Variants in PDZRN4 observed in about 807,000 individuals in gnomAD.
The protein encoded by PDZRN4 is PDZ domain-containing RING finger protein 4.
PDZRN4 carries 70 observed loss-of-function variants against 99.0 expected under a neutral mutation model. That is an observed-to-expected ratio of 0.71 (90% confidence interval 0.58 to 0.86). The LOEUF is 0.86. PDZRN4 is among the 40% of genes least tolerant of loss of function. The pLI, the probability that PDZRN4 is intolerant of heterozygous loss-of-function variation, is 0.00. For missense variants in PDZRN4, 1,474 were observed against 1,331.2 expected (o/e 1.11, Z -1.67); for synonymous variants, 551 against 501.6 (o/e 1.10, Z -1.32).
intron 5 of PDZRN4, among the ~76,000 whole-genome samples, chr12:41,518,755 C>T (rs576275502): frequency 6.6e-6 from 1 of 151,956 alleles, no homozygotes; most frequent in South Asian, 2.1e-4. Context: ...AGTTTGAGAC[C>T]AGTCTGGCCT....
intron 5 of PDZRN4, among the ~76,000 whole-genome samples, chr12:41,542,611 T>C (rs1288158054): frequency 2.6e-5 from 4 of 152,138 alleles, no homozygotes; most frequent in African/African-American, 9.7e-5. Flanking sequence ...TCGGAATGAC[T>C]TGATTGAAGA....
At chr12:41,407,771 G>A (rs1952360553) in intron 3 of PDZRN4, among the ~76,000 whole-genome samples, 1 of 151,910 alleles carries the variant, frequency 6.6e-6, no homozygotes, top group Admixed American at 6.6e-5. Context: ...AAGAAGTAAG[G>A]TTCACCTAAT....
chr12:41,447,119 T>G (rs1271226265), intron 3 of PDZRN4, among the ~76,000 whole-genome samples: 1 of 151,854 alleles, frequency 6.6e-6, no homozygotes, highest in East Asian at 1.9e-4. Context: ...TCAAATAGAG[T>G]CTTCAGTCAA....
chr12:41,411,004 G>A (rs1441538165), intron 3 of PDZRN4, among the ~76,000 whole-genome samples: 2 of 151,220 alleles, frequency 1.3e-5, no homozygotes, highest in Admixed American at 6.6e-5. Flanking sequence ...TCAGGCTCCC[G>A]AATAGCTAGG....
At chr12:41,399,048 T>A (rs1385375313) in intron 3 of PDZRN4, among the ~76,000 whole-genome samples, 1 of 152,148 alleles carries the variant, frequency 6.6e-6, no homozygotes, top group Admixed American at 6.5e-5. Context: ...TTTTAAGGAT[T>A]TGAGTTATTG....
intron 3 of PDZRN4, among the ~76,000 whole-genome samples, chr12:41,216,717 A>T (rs1392643296): frequency 6.6e-6 from 1 of 152,042 alleles, no homozygotes; most frequent in Non-Finnish European, 1.5e-5. Context: ...CAATTCATCT[A>T]ATTAATTTAT....
chr12:41,428,527 T>C (rs1170026371), intron 3 of PDZRN4, among the ~76,000 whole-genome samples: 1 of 152,170 alleles, frequency 6.6e-6, no homozygotes, highest in Non-Finnish European at 1.5e-5. Flanking sequence ...GAGAGAAATA[T>C]ACCAAAAAGA....
intron 3 of PDZRN4, among the ~76,000 whole-genome samples, chr12:41,268,318 A>G (rs1369162633): frequency 6.6e-6 from 1 of 152,224 alleles, no homozygotes; most frequent in Non-Finnish European, 1.5e-5. Flanking sequence ...AAAAATTTAC[A>G]GTCCTTCATA....
At chr12:41,254,606 T>C (rs750655190) in intron 3 of PDZRN4, among the ~76,000 whole-genome samples, 10 of 152,254 alleles carry the variant, frequency 6.6e-5, no homozygotes, top group Non-Finnish European at 1.0e-4. Context: ...CCATTTCCTA[T>C]GTGCCAGAAA....
At chr12:41,559,823 C>A (rs979706385) in intron 7 of PDZRN4, among the ~76,000 whole-genome samples, 29 of 152,052 alleles carry the variant, frequency 1.9e-4, no homozygotes, top group African/African-American at 5.8e-4. Context: ...GCGGTTACTC[C>A]CATGCTGTTC....
chr12:41,300,525 A>G (rs1425896141), intron 3 of PDZRN4, among the ~76,000 whole-genome samples: 4 of 151,962 alleles, frequency 2.6e-5, no homozygotes, highest in Admixed American at 2.0e-4. Context: ...AATCAAACAC[A>G]TATTAGAAAT....
At chr12:41,471,249 G>A (rs752726069) in intron 3 of PDZRN4, among the ~76,000 whole-genome samples, 3 of 152,130 alleles carry the variant, frequency 2.0e-5, no homozygotes, top group Non-Finnish European at 4.4e-5. Flanking sequence ...CCAACATCAT[G>A]TTCTTTTTCT....
intron 3 of PDZRN4, among the ~76,000 whole-genome samples, chr12:41,352,624 A>C: frequency 6.6e-6 from 1 of 152,188 alleles, no homozygotes; most frequent in East Asian, 1.9e-4. Context: ...ATAGGAAATC[A>C]GCTCACTTAT....
chr12:41,202,906 G>C (rs1950826774), intron 3 of PDZRN4, among the ~76,000 whole-genome samples: 1 of 151,844 alleles, frequency 6.6e-6, no homozygotes, highest in South Asian at 2.1e-4. Context: ...TGAAAATATT[G>C]TTATTTGTAT....
chr12:41,424,742 G>A (rs1243407786), intron 3 of PDZRN4, among the ~76,000 whole-genome samples: 1 of 152,184 alleles, frequency 6.6e-6, no homozygotes, highest in Non-Finnish European at 1.5e-5. Flanking sequence ...GCTCCTCTGA[G>A]TGACTTTTCT....
intron 5 of PDZRN4, among the ~76,000 whole-genome samples, chr12:41,542,666 G>A (rs1052122631): frequency 6.6e-6 from 1 of 152,190 alleles, no homozygotes; most frequent in Non-Finnish European, 1.5e-5. Flanking sequence ...CTGAATGAAA[G>A]TCAGGAGGCC....
At chr12:41,403,508 C>T (rs930842788) in intron 3 of PDZRN4, among the ~76,000 whole-genome samples, 1 of 152,162 alleles carries the variant, frequency 6.6e-6, no homozygotes, top group Non-Finnish European at 1.5e-5. Context: ...ATATGCCCCT[C>T]ACTCCAAGGT....
intron 3 of PDZRN4, among the ~76,000 whole-genome samples, chr12:41,353,535 T>C (rs980105443): frequency 2.6e-5 from 4 of 152,088 alleles, no homozygotes; most frequent in Non-Finnish European, 4.4e-5. Context: ...CTAGTTGTAA[T>C]GAGACATGAA....
chr12:41,492,883 C>T (rs1937917883), intron 3 of PDZRN4, among the ~76,000 whole-genome samples: 1 of 152,166 alleles, frequency 6.6e-6, no homozygotes, highest in Non-Finnish European at 1.5e-5. Context: ...GGCTTGAAAG[C>T]TGGTGTGGAA....
Sources: gnomAD v4.1 joint callset for allele counts (sites outside exome capture counted in the v4.1 genomes callset) on GRCh38, gnomAD v4.1.1 for gene constraint, MANE v1.5 for transcripts, NCBI Gene and HGNC (gene_info 2026-07-23, HGNC 2026-07-21) for gene names.